Variants in MAD1L1 observed in about 807,000 individuals in gnomAD.
MAD1L1 encodes mitotic arrest deficient 1 like 1.
MAD1L1 carries 95 observed loss-of-function variants against 96.9 expected under a neutral mutation model. The observed-to-expected ratio is 0.98, with a 90% CI of 0.83 to 1.16. The LOEUF (loss-of-function observed/expected upper bound fraction) is 1.16, where lower values mean the gene tolerates loss of function less well. Ranked by LOEUF, MAD1L1 falls within the 50% of genes most tolerant of loss-of-function variation. The pLI, the probability that MAD1L1 is intolerant of heterozygous loss-of-function variation, is 0.00. For missense variants in MAD1L1, 1,007 were observed against 954.4 expected (o/e 1.06, Z -0.73); for synonymous variants, 473 against 396.6 (o/e 1.19, Z -2.29).
chr7:1,828,350 C>T lies in MAD1L1; in HGVS notation c.1999-12122G>A, dbSNP rs547042294. On this transcript the variant is annotated intron_variant, in intron 18 of 18. Coordinates refer to ENST00000265854, the MANE Select transcript of MAD1L1 (RefSeq NM_001013836.2). ...TTGAGGGACAGGGCTGGAGCTGGAG[C>T]CAGGGCGCCGAAAAGAGTGCCACAG... is the stretch of plus-strand genomic sequence containing the variant. 2.0e-5 allele frequency among the ~76,000 whole-genome samples: 3 copies of T among 152,180 alleles called. No individual in the cohort carries two copies. In the South Asian group the frequency reaches 6.2e-4, roughly 32 times the overall value.
intron 10 of MAD1L1, among the ~76,000 whole-genome samples, chr7:2,185,663 T>C (rs1791424528): frequency 1.3e-5 from 2 of 152,156 alleles, no homozygotes; most frequent in African/African-American, 4.8e-5. Flanking sequence ...GCTTCTAGAT[T>C]TCTAAACAAG....
At chr7:2,115,770 G>C (rs927481071) in intron 11 of MAD1L1, among the ~76,000 whole-genome samples, 1 of 152,238 alleles carries the variant, frequency 6.6e-6, no homozygotes, top group African/African-American at 2.4e-5. Context: ...AGGACCTGCC[G>C]CGCATGACCT....
Position 1,936,756 on chromosome 7 carries a change from T to A in MAD1L1, c.1738A>T (p.Arg580Ter). ...AGGTCGGCTGGGACGGTGCCTCCTC[T>A]CTCCATGGCGCGCAGGAGCCCGCGC... ...RLRGLLRAME[R>*]GGTVPADLEA... The change falls in exon 17 of 19, where the codon AGA (arginine) becomes TGA (stop). Residue 580 changes from arginine to a stop codon, truncating the protein, a stop_gained. Transcript: ENST00000265854. LOFTEE classifies it high-confidence loss of function. The A allele has an allele frequency of 6.4e-7, 1 of 1,570,150 alleles. No individual in the cohort carries two copies. Among genetic ancestry groups the A allele is most frequent in the Non-Finnish European group, 8.6e-7 (1 of 1,158,934 alleles).
intron 18 of MAD1L1, chr7:1,847,483 C>T (rs1783698669): frequency 2.1e-6 from 1 of 471,140 alleles, no homozygotes; most frequent in Non-Finnish European, 4.4e-6. Flanking sequence ...CCAGCCCCCA[C>T]TGGGCGGCCA....
intron 12 of MAD1L1, among the ~76,000 whole-genome samples, chr7:2,054,482 C>G (rs1784309509): frequency 6.6e-6 from 1 of 152,160 alleles, no homozygotes; most frequent in Non-Finnish European, 1.5e-5. Flanking sequence ...AGCTCCCTCT[C>G]GGAGGGAGAG....
chr7:2,216,133 GC>G, intron 8 of MAD1L1, 23 bp downstream of exon 8: 1 of 1,610,256 alleles, frequency 6.2e-7, no homozygotes. Context: ...CGAGGCGGCT[GC>G]CCCATCCCCC....
chr7:1,892,655 T>C (rs1343716012), intron 18 of MAD1L1, among the ~76,000 whole-genome samples: 3 of 151,754 alleles, frequency 2.0e-5, no homozygotes, highest in South Asian at 2.1e-4. Flanking sequence ...TGGACCTGTA[T>C]ACCTTTCCCC....
At chr7:2,055,308 G>A (rs1405657058) in intron 12 of MAD1L1, among the ~76,000 whole-genome samples, 1 of 152,142 alleles carries the variant, frequency 6.6e-6, no homozygotes, top group Non-Finnish European at 1.5e-5. Context: ...CAGGCCTAGG[G>A]CCAGTCAGCA....
rs1783555616 is a variant in MAD1L1, at chr7:1,845,498, GGGGAAGA to G, written c.1999-29277_1999-29271del. 2.4e-4 allele frequency: 17 copies of G among 70,136 alleles called. 1 individual carries two copies. In the South Asian group the frequency reaches 8.3e-3, roughly 34 times the overall value. The allele number at this position is 70,136 out of a possible 1,614,324, so 4.3% of individuals were successfully genotyped here. A position where few individuals can be genotyped will look rare whatever the true frequency, so the allele number is the denominator to read the frequency against. On this transcript the variant is annotated intron_variant, in intron 18 of 18. Coordinates refer to ENST00000265854, the MANE Select transcript of MAD1L1 (RefSeq NM_001013836.2). ...AGAGACGCGTCGGGCTCTGATTCAT[GGGGAAGA>G]GCTCTGTTTAGGAGATGGACGTGCT...
At chr7:1,846,986 C>A (rs1026945423) in intron 18 of MAD1L1, 1 of 327,180 alleles carries the variant, frequency 3.1e-6, no homozygotes, top group Non-Finnish European at 5.9e-6. Flanking sequence ...GATGGCTCCG[C>A]GTTTTCATTG....
intron 10 of MAD1L1, among the ~76,000 whole-genome samples, chr7:2,169,039 T>G (rs942707783): frequency 6.6e-6 from 1 of 152,232 alleles, no homozygotes; most frequent in African/African-American, 2.4e-5. Flanking sequence ...GTGTACCCGG[T>G]GCTTGTCCTG....
At chr7:2,096,211 C>A (rs549664181) in intron 11 of MAD1L1, among the ~76,000 whole-genome samples, 31 of 152,338 alleles carry the variant, frequency 2.0e-4, no homozygotes, top group African/African-American at 7.2e-4. Flanking sequence ...GCCTCCAGGA[C>A]ACTTGCCAGC....
chr7:2,000,187 G>A (rs1584036949), intron 14 of MAD1L1, among the ~76,000 whole-genome samples: 1 of 152,134 alleles, frequency 6.6e-6, no homozygotes, highest in Non-Finnish European at 1.5e-5. Flanking sequence ...ACCCGGGGCG[G>A]AATGCCGAAG....
chr7:1,892,931 G>A (rs959179779), intron 18 of MAD1L1, among the ~76,000 whole-genome samples: 5 of 152,178 alleles, frequency 3.3e-5, no homozygotes, highest in South Asian at 2.1e-4. Context: ...TCTCCCTCTC[G>A]TAACAGAAGG....
At chr7:1,905,867 T>A (rs577009516) in intron 17 of MAD1L1, among the ~76,000 whole-genome samples, 1 of 152,180 alleles carries the variant, frequency 6.6e-6, no homozygotes, top group African/African-American at 2.4e-5. Context: ...CTGGCCAACA[T>A]GGTGAAACCC....
At chr7:2,023,005 C>T (rs1782851799) in intron 12 of MAD1L1, among the ~76,000 whole-genome samples, 1 of 152,196 alleles carries the variant, frequency 6.6e-6, no homozygotes, top group Non-Finnish European at 1.5e-5. Context: ...CCTTAACATG[C>T]ATCTACTTAA....
chr7:1,894,555 C>T (rs938500908), intron 18 of MAD1L1, among the ~76,000 whole-genome samples: 1 of 152,330 alleles, frequency 6.6e-6, no homozygotes, highest in South Asian at 2.1e-4. Context: ...TTCTACTCCA[C>T]AGGTGAGGAG....
intron 18 of MAD1L1, among the ~76,000 whole-genome samples, chr7:1,876,785 T>G (rs1390925744): frequency 1.3e-5 from 2 of 150,196 alleles, no homozygotes; most frequent in Non-Finnish European, 3.0e-5. Flanking sequence ...GAAGGTGATG[T>G]CCTTGGCCCC....
At chr7:2,196,146 C>G (rs897624633) in intron 10 of MAD1L1, among the ~76,000 whole-genome samples, 8 of 152,240 alleles carry the variant, frequency 5.3e-5, no homozygotes, top group African/African-American at 1.9e-4. Context: ...TTGGGCCAGT[C>G]AGCCCCTCCC....
Sources: allele counts gnomAD v4.1 joint callset (sites outside exome capture counted in the v4.1 genomes callset), GRCh38; gene constraint gnomAD v4.1.1; transcripts MANE v1.5; gene names NCBI Gene and HGNC (gene_info 2026-07-23, HGNC 2026-07-21).